SLCO2B1: variants seen among roughly 807,000 people sequenced by gnomAD.
SLCO2B1 encodes solute carrier organic anion transporter family member 2B1.
A neutral mutation model predicts 67.3 loss-of-function variants in SLCO2B1; 41 were observed. That is an observed-to-expected ratio of 0.61 (90% confidence interval 0.47 to 0.79). The LOEUF (loss-of-function observed/expected upper bound fraction) is 0.79. SLCO2B1 is among the 30% of genes least tolerant of loss of function. SLCO2B1 has a pLI of 0.00. For missense variants in SLCO2B1, 837 were observed against 920.1 expected, an observed-to-expected ratio of 0.91 and a Z score of 1.17; for synonymous variants, 379 against 381.4, an observed-to-expected ratio of 0.99 and a Z score of 0.07.
intron 7 of SLCO2B1, among the ~76,000 whole-genome samples, chr11:75,176,389 C>T (rs1393872633): frequency 2.6e-5 from 4 of 152,164 alleles, no homozygotes; most frequent in Admixed American, 6.5e-5. Flanking sequence ...TGAGCACCAC[C>T]GGACTCTGTG....
chr11:75,171,928 AGAGGAGGAG>A (rs879112161), intron 6 of SLCO2B1, among the ~76,000 whole-genome samples: 1 of 152,068 alleles, frequency 6.6e-6, no homozygotes, highest in African/African-American at 2.4e-5. Flanking sequence ...AGAAGGAGGA[AGAGGAGGAG>A]GAGGAGGAGC....
intron 7 of SLCO2B1, among the ~76,000 whole-genome samples, chr11:75,174,750 TG>T (rs1950003772): frequency 6.6e-6 from 1 of 152,214 alleles, no homozygotes; most frequent in Non-Finnish European, 1.5e-5. Context: ...CCTATATTGC[TG>T]GTTACAGATG....
At position 75,169,628 on chromosome 11, in the gene SLCO2B1, C is replaced by G. The variant is rs766586074; in HGVS notation, c.683-38C>G. On this transcript the variant is annotated intron_variant, in intron 5 of 13. Coordinates refer to ENST00000289575, the MANE Select transcript of SLCO2B1 (RefSeq NM_007256.5). ...CAAGCACTGGTCTGCAGAGGGAAGC[C>G]AGGGCCAGAGGATCCTAACTCAGGC... 1.4e-5 allele frequency: 22 copies of G among 1,555,888 alleles called. 1 individual carries two copies. The East Asian group carries it at 5.0e-4, about 35-fold the overall frequency.
rs375801952 is a variant in SLCO2B1 at position 75,166,087 on chromosome 11, C to T, written c.448+138C>T. 1.9e-5 allele frequency: 21 copies of T among 1,078,560 alleles called. No homozygotes were observed. The African/African-American group carries it at 2.9e-4, about 15-fold the overall frequency. 66.8% of individuals were successfully genotyped at this position (1,078,560 alleles called of 1,614,324 possible). ...CCCAGGACAGCTGCTAGTCCCCCCC[C>T]AACCTGGCTCCCCAGGCCCCAGCCC... On this transcript the variant is annotated intron_variant, in intron 4 of 13. Coordinates refer to ENST00000289575, the MANE Select transcript of SLCO2B1 (RefSeq NM_007256.5).
intron 10 of SLCO2B1, among the ~76,000 whole-genome samples, chr11:75,197,867 C>T (rs112297853): frequency 1.3e-4 from 20 of 152,306 alleles, no homozygotes; most frequent in African/African-American, 2.9e-4. Flanking sequence ...CTAAGACCAG[C>T]CGGTTCCTCC....
chr11:75,171,402 G>T (rs1796592035), intron 6 of SLCO2B1, among the ~76,000 whole-genome samples: 1 of 152,150 alleles, frequency 6.6e-6, no homozygotes, highest in Admixed American at 6.6e-5. Flanking sequence ...GACTGCAGGT[G>T]TGCACCATCA....
intron 10 of SLCO2B1, chr11:75,199,949 GGC>G: frequency 4.2e-6 from 2 of 475,670 alleles, no homozygotes; most frequent in South Asian, 6.3e-5. Flanking sequence ...ATGCTCTCCT[GGC>G]TCCCTCCCTC....
At chr11:75,171,968 CTCT>C (rs900641757) in intron 6 of SLCO2B1, among the ~76,000 whole-genome samples, 6 of 152,132 alleles carry the variant, frequency 3.9e-5, no homozygotes, top group Admixed American at 3.3e-4. Flanking sequence ...ATGGCACACA[CTCT>C]TCTAAGTGCT....
At chr11:75,190,608 C>T (rs1343329766) in intron 8 of SLCO2B1, among the ~76,000 whole-genome samples, 1 of 152,156 alleles carries the variant, frequency 6.6e-6, no homozygotes, top group Non-Finnish European at 1.5e-5. Context: ...GAGACCTGAC[C>T]TCTGTGATGG....
rs780931529 is a variant in SLCO2B1, at chr11:75,188,234, T to C, written c.1071T>C (p.Ile357=). ...IAPNLTVIQF[I]KVFPRVLLQT... The stretch of plus-strand genomic sequence containing the variant: ...CAAACCTGACTGTGATCCAGTTCAT[T>C]AAAGGTAAGTCAGCTCAGACCAGGT... The change falls in exon 8 of 14, where the codon ATT becomes ATC. Residue 357 remains isoleucine (I), a synonymous_variant. Transcript: ENST00000289575. The C allele has an allele frequency of 6.2e-7, 1 of 1,611,612 alleles. No homozygotes were observed. Among genetic ancestry groups the C allele is most frequent in the Admixed American group, 1.7e-5 (1 of 60,014 alleles).
chr11:75,187,195 G>T (rs1206016416), intron 7 of SLCO2B1, among the ~76,000 whole-genome samples: 1 of 152,226 alleles, frequency 6.6e-6, no homozygotes, highest in African/African-American at 2.4e-5. Flanking sequence ...CCAGCATACA[G>T]TAAGTGCTTA....
chr11:75,175,224 T>C (rs1045719904), intron 7 of SLCO2B1, among the ~76,000 whole-genome samples: 2 of 152,058 alleles, frequency 1.3e-5, no homozygotes, highest in Non-Finnish European at 2.9e-5. Context: ...GCAATAAATA[T>C]TGATGTGGGA....
intron 12 of SLCO2B1, 115 bp downstream of exon 12, chr11:75,203,080 A>G: frequency 1.7e-6 from 2 of 1,188,308 alleles, no homozygotes; most frequent in Non-Finnish European, 2.5e-6. Context: ...AGGGCTCACA[A>G]GCTCATGGGG....
chr11:75,179,180 A>G (rs944704873), intron 7 of SLCO2B1, among the ~76,000 whole-genome samples: 7 of 89,752 alleles, frequency 7.8e-5, no homozygotes, highest in Non-Finnish European at 1.4e-4. Context: ...TTTAATTTTT[A>G]TGGGTGCATA....
intron 1 of SLCO2B1, among the ~76,000 whole-genome samples, chr11:75,155,032 T>C (rs1241377431): frequency 1.3e-5 from 2 of 152,132 alleles, no homozygotes; most frequent in Non-Finnish European, 2.9e-5. Flanking sequence ...TGGGTCTAGA[T>C]GGGGTAGCCA....
At chr11:75,200,907 G>T (rs2140346382) in intron 11 of SLCO2B1, 1 of 152,660 alleles carries the variant, frequency 6.6e-6, no homozygotes, top group Non-Finnish European at 1.5e-5. Context: ...GATCTTTGTG[G>T]CCCTCGTCCT....
intron 1 of SLCO2B1, among the ~76,000 whole-genome samples, chr11:75,156,863 A>T (rs551299956): frequency 6.6e-6 from 1 of 152,234 alleles, no homozygotes; most frequent in Non-Finnish European, 1.5e-5. Context: ...GTAAACTGTC[A>T]TGGTGCTGGT....
In SLCO2B1 at chr11:75,151,223, C is replaced by A; in HGVS notation, c.-159C>A. The A allele has an allele frequency of 1.6e-6, 1 of 637,714 alleles. No individual in the cohort carries two copies. Among genetic ancestry groups the A allele is most frequent in the South Asian group, 1.9e-5 (1 of 51,582 alleles). The allele number at this position is 637,714 out of a possible 1,614,324, so 39.5% of individuals were successfully genotyped here. A position where few individuals can be genotyped will look rare whatever the true frequency, so the allele number is the denominator to read the frequency against. On this transcript the variant is annotated 5_prime_UTR_variant, in exon 1 of 14. In the 5' UTR this introduces an upstream ATG that the reference lacks. Coordinates refer to ENST00000289575, the MANE Select transcript of SLCO2B1 (RefSeq NM_007256.5). ...GATGTCCTGTGTGGCCCAAGAAGAACTGACCCCGTGTCTGGAGCTCCCACC... is the reference window on the plus strand; with the variant it reads ...GATGTCCTGTGTGGCCCAAGAAGAAATGACCCCGTGTCTGGAGCTCCCACC...
At chr11:75,179,481 C>T (rs917594720) in intron 7 of SLCO2B1, among the ~76,000 whole-genome samples, 1 of 152,042 alleles carries the variant, frequency 6.6e-6, no homozygotes, top group African/African-American at 2.4e-5. Context: ...ATCCACCCCC[C>T]TCAGCCTCCC....
Sources: allele counts gnomAD v4.1 joint callset (sites outside exome capture counted in the v4.1 genomes callset), GRCh38; gene constraint gnomAD v4.1.1; transcripts MANE v1.5; gene names NCBI Gene and HGNC (gene_info 2026-07-23, HGNC 2026-07-21).